The following RBFOX1 variants were observed in gnomAD, a reference collection of about 807,000 sequenced individuals.
RBFOX1 encodes RNA binding fox-1 homolog 1, also known as RNA binding protein fox-1 homolog 1.
RBFOX1 carries 8 observed loss-of-function variants against 57.7 expected under a neutral mutation model. The observed-to-expected ratio is 0.14, with a 90% CI of 0.08 to 0.25. The LOEUF (loss-of-function observed/expected upper bound fraction) is 0.25, where lower values mean the gene tolerates loss of function less well. Among genes scored for constraint, RBFOX1 ranks in the 10% least tolerant of loss-of-function variants. The pLI is 1.00. For missense variants in RBFOX1, 611 were observed against 548.5 expected, an observed-to-expected ratio of 1.11 and a Z score of -1.14; for synonymous variants, 326 against 222.4, an observed-to-expected ratio of 1.47 and a Z score of -4.15.
intron 13 of RBFOX1, among the ~76,000 whole-genome samples, chr16:7,670,338 A>C (rs2070979607): frequency 6.6e-6 from 1 of 152,170 alleles, no homozygotes; most frequent in African/African-American, 2.4e-5. Context: ...GGCCAACAGG[A>C]AACTTTTTTT....
intron 10 of RBFOX1, among the ~76,000 whole-genome samples, chr16:7,624,622 G>T (rs9922390): frequency 0.29 from 43,417 of 152,120 alleles, 9,035 homozygotes; most frequent in African/African-American, 0.59. Flanking sequence ...CATCATAGTT[G>T]CCTAGCTGAG....
intron 2 of RBFOX1, among the ~76,000 whole-genome samples, chr16:6,646,208 C>T (rs941123637): frequency 5.9e-5 from 9 of 152,148 alleles, no homozygotes; most frequent in East Asian, 1.9e-4. Context: ...CCAGAGACAC[C>T]GGCTCTAGGC....
At chr16:5,957,139 A>C (rs1474484605) in intron 4 of RBFOX1, among the ~76,000 whole-genome samples, 1 of 152,226 alleles carries the variant, frequency 6.6e-6, no homozygotes, top group Non-Finnish European at 1.5e-5. Flanking sequence ...CTGTTGGACC[A>C]AATGTCTACC....
intron 2 of RBFOX1, among the ~76,000 whole-genome samples, chr16:5,498,216 C>A (rs985113468): frequency 2.0e-5 from 3 of 152,144 alleles, no homozygotes; most frequent in Non-Finnish European, 4.4e-5. Context: ...GATCTCGGCC[C>A]ACTGCAACTT....
intron 2 of RBFOX1, among the ~76,000 whole-genome samples, chr16:6,639,848 C>T (rs1229112684): frequency 3.9e-5 from 6 of 152,118 alleles, no homozygotes; most frequent in Non-Finnish European, 5.9e-5. Flanking sequence ...CACTGCACTC[C>T]AGCCTGAGCA....
chr16:5,876,424 G>A (rs1224850635), intron 4 of RBFOX1, among the ~76,000 whole-genome samples: 1 of 152,160 alleles, frequency 6.6e-6, no homozygotes, highest in African/African-American at 2.4e-5. Context: ...CACACCCGAG[G>A]CTATCAGACC....
intron 3 of RBFOX1, among the ~76,000 whole-genome samples, chr16:6,961,567 G>T (rs1324085249): frequency 6.6e-6 from 1 of 152,182 alleles, no homozygotes; most frequent in Non-Finnish European, 1.5e-5. Flanking sequence ...CAAACGAATG[G>T]CTACTCCATA....
At chr16:5,847,772 T>C (rs2056794164) in intron 3 of RBFOX1, among the ~76,000 whole-genome samples, 1 of 152,106 alleles carries the variant, frequency 6.6e-6, no homozygotes, top group African/African-American at 2.4e-5. Flanking sequence ...ACAAACATTA[T>C]AGCCACCTCT....
At chr16:7,223,292 T>A (rs1183014991) in intron 4 of RBFOX1, among the ~76,000 whole-genome samples, 1 of 152,220 alleles carries the variant, frequency 6.6e-6, no homozygotes, top group African/African-American at 2.4e-5. Flanking sequence ...CCTGGGTGTC[T>A]CTTGATTGTC....
intron 2 of RBFOX1, among the ~76,000 whole-genome samples, chr16:6,447,986 C>G (rs920669764): frequency 2.6e-5 from 4 of 152,068 alleles, no homozygotes; most frequent in East Asian, 3.9e-4. Context: ...GAGTCTCTCT[C>G]TCTCTCTCAT....
intron 3 of RBFOX1, among the ~76,000 whole-genome samples, chr16:5,736,975 C>T (rs1236561083): frequency 6.7e-6 from 1 of 150,158 alleles, no homozygotes; most frequent in Admixed American, 6.7e-5. Flanking sequence ...CACTTTATTC[C>T]TATCTTTCTC....
chr16:5,970,805 A>G (rs2059947033), intron 4 of RBFOX1, among the ~76,000 whole-genome samples: 1 of 152,246 alleles, frequency 6.6e-6, no homozygotes, highest in Non-Finnish European at 1.5e-5. Flanking sequence ...TTGCACAGCA[A>G]AATATGCCTT....
At chr16:5,880,661 G>T (rs944139069) in intron 4 of RBFOX1, among the ~76,000 whole-genome samples, 2 of 152,226 alleles carry the variant, frequency 1.3e-5, no homozygotes, top group Non-Finnish European at 2.9e-5. Flanking sequence ...GTGTGTGTAT[G>T]GGATTGTGGA....
chr16:6,401,263 G>A (rs2093056264), intron 2 of RBFOX1, among the ~76,000 whole-genome samples: 1 of 152,156 alleles, frequency 6.6e-6, no homozygotes, highest in South Asian at 2.1e-4. Context: ...GATAATCTGA[G>A]TATCAAAATG....
chr16:6,967,530 C>T (rs1191469978), intron 3 of RBFOX1, among the ~76,000 whole-genome samples: 3 of 152,214 alleles, frequency 2.0e-5, no homozygotes, highest in Admixed American at 6.5e-5. Context: ...CTTTCATTTG[C>T]TGAATAGACT....
intron 1 of RBFOX1, among the ~76,000 whole-genome samples, chr16:6,026,484 C>T (rs921344538): frequency 6.6e-6 from 1 of 152,182 alleles, no homozygotes; most frequent in Non-Finnish European, 1.5e-5. Flanking sequence ...GTCCACAGCC[C>T]CTGATGCTCA....
chr16:6,924,069 C>G lies in RBFOX1; in HGVS notation c.-15-127988C>G, dbSNP rs149129527. Reference sequence around the variant, plus strand: ...CCTGTAGTCCCAGCTTCTCGGGAGACTGAGGCATGAGAGTCGCTTGAACCC... The same window carrying G: ...CCTGTAGTCCCAGCTTCTCGGGAGAGTGAGGCATGAGAGTCGCTTGAACCC... On this transcript the variant is annotated intron_variant, in intron 3 of 15. Coordinates refer to ENST00000550418, the MANE Select transcript of RBFOX1 (RefSeq NM_018723.4). Among the ~76,000 whole-genome samples, 368 of 151,872 alleles carry G rather than the reference C, an allele frequency of 2.4e-3. 2 individuals carry two copies. Among genetic ancestry groups the G allele is most frequent in the Non-Finnish European group, 4.2e-3 (286 of 67,954 alleles).
At chr16:6,734,519 G>C (rs551097888) in intron 3 of RBFOX1, among the ~76,000 whole-genome samples, 1 of 152,250 alleles carries the variant, frequency 6.6e-6, no homozygotes, top group East Asian at 1.9e-4. Flanking sequence ...CCACTTACTT[G>C]AATTCTCCCA....
intron 3 of RBFOX1, among the ~76,000 whole-genome samples, chr16:6,959,989 C>G (rs1255027803): frequency 6.6e-6 from 1 of 152,074 alleles, no homozygotes; most frequent in Non-Finnish European, 1.5e-5. Context: ...TAAACAAAGG[C>G]TGAAATGTAA....
Sources: gnomAD v4.1 joint callset for allele counts (sites outside exome capture counted in the v4.1 genomes callset) on GRCh38, gnomAD v4.1.1 for gene constraint, MANE v1.5 for transcripts, NCBI Gene and HGNC (gene_info 2026-07-23, HGNC 2026-07-21) for gene names.